Variants in FMN2 observed in about 807,000 individuals in gnomAD.
FMN2 encodes the protein formin-2.
In FMN2, 51 loss-of-function variants were observed where a neutral mutation model predicts 142.3. The ratio of observed to expected loss-of-function variants is 0.36; its 90% CI spans 0.29 to 0.45. FMN2 has a LOEUF of 0.45. Among genes scored for constraint, FMN2 ranks in the 20% least tolerant of loss-of-function variants. The pLI is 1.00. For synonymous variants in FMN2, 882 were observed against 869.8 expected, an observed-to-expected ratio of 1.01 and a Z score of -0.25; for missense variants, 1,936 against 2,122.8, an observed-to-expected ratio of 0.91 and a Z score of 1.73.
At chr1:240,411,342 A>G (rs1194591921) in intron 15 of FMN2, among the ~76,000 whole-genome samples, 2 of 152,074 alleles carry the variant, frequency 1.3e-5, no homozygotes, top group South Asian at 2.1e-4. Flanking sequence ...GGAGGCTGAG[A>G]CAGGCGGATC....
At chr1:240,457,015 C>G (rs1676268879) in intron 16 of FMN2, among the ~76,000 whole-genome samples, 2 of 152,272 alleles carry the variant, frequency 1.3e-5, no homozygotes, top group Non-Finnish European at 2.9e-5. Context: ...TTGGACTTTT[C>G]TGATTCATTT....
At chr1:240,200,331 C>T (rs1387063852) in intron 4 of FMN2, among the ~76,000 whole-genome samples, 1 of 152,130 alleles carries the variant, frequency 6.6e-6, no homozygotes, top group African/African-American at 2.4e-5. Context: ...TTATAAATCC[C>T]TGAAAGAAAA....
At chr1:240,202,872 A>G (rs1445342630) in intron 4 of FMN2, among the ~76,000 whole-genome samples, 1 of 152,216 alleles carries the variant, frequency 6.6e-6, no homozygotes, top group East Asian at 1.9e-4. Context: ...GGCATAGGCA[A>G]TAACATTTAC....
intron 6 of FMN2, among the ~76,000 whole-genome samples, chr1:240,252,097 C>T (rs754578060): frequency 1.1e-4 from 16 of 151,940 alleles, no homozygotes; most frequent in Non-Finnish European, 1.8e-4. Flanking sequence ...TTAGTAGAGA[C>T]GAGATTTCAC....
chr1:240,171,159 G>A, intron 2 of FMN2: 1 of 961,326 alleles, frequency 1.0e-6, no homozygotes, highest in Non-Finnish European at 1.7e-6. Context: ...GTGTCCCAAA[G>A]TTGGTATCTG....
intron 2 of FMN2, among the ~76,000 whole-genome samples, chr1:240,168,350 G>A (rs967959448): frequency 6.6e-6 from 1 of 152,134 alleles, no homozygotes; most frequent in Non-Finnish European, 1.5e-5. Flanking sequence ...CATTTTGGGA[G>A]GCTGAGGTGG....
At chr1:240,162,893 A>T (rs1664338620) in intron 2 of FMN2, among the ~76,000 whole-genome samples, 2 of 152,076 alleles carry the variant, frequency 1.3e-5, no homozygotes, top group South Asian at 2.1e-4. Flanking sequence ...AAACCTACAG[A>T]TTTCTCTCTA....
intron 16 of FMN2, among the ~76,000 whole-genome samples, chr1:240,447,654 C>G (rs1675873393): frequency 1.3e-5 from 2 of 152,178 alleles, no homozygotes; most frequent in African/African-American, 4.8e-5. Flanking sequence ...TTGCACCAAC[C>G]TAATACGTGG....
At chr1:240,290,404 T>C (rs1362608066) in intron 7 of FMN2, among the ~76,000 whole-genome samples, 1 of 152,214 alleles carries the variant, frequency 6.6e-6, no homozygotes, top group African/African-American at 2.4e-5. Flanking sequence ...AACTTTTAAC[T>C]ATTGAACGCA....
At chr1:240,150,471 G>C (rs1206764524) in intron 2 of FMN2, among the ~76,000 whole-genome samples, 1 of 152,184 alleles carries the variant, frequency 6.6e-6, no homozygotes, top group African/African-American at 2.4e-5. Flanking sequence ...AACAGGGAAG[G>C]CATATCTTGC....
intron 2 of FMN2, among the ~76,000 whole-genome samples, chr1:240,148,442 CAGAG>C (rs1193698308): frequency 5.4e-4 from 63 of 116,566 alleles, no homozygotes; most frequent in African/African-American, 1.2e-3. Flanking sequence ...AAGAGAGAGA[CAGAG>C]AGAGAGAAAG....
At chr1:240,121,381 ATT>A (rs149431338) in intron 1 of FMN2, among the ~76,000 whole-genome samples, 16 of 141,042 alleles carry the variant, frequency 1.1e-4, no homozygotes, top group Admixed American at 8.6e-4. Flanking sequence ...TTTTATTTTT[ATT>A]TTTTTTTTTT....
At chr1:240,162,230 C>T (rs1287747506) in intron 2 of FMN2, among the ~76,000 whole-genome samples, 1 of 151,972 alleles carries the variant, frequency 6.6e-6, no homozygotes, top group Non-Finnish European at 1.5e-5. Flanking sequence ...CTTTGGGAGG[C>T]CGAGGCAGGT....
At chr1:240,223,446 T>C (rs529388049) in intron 6 of FMN2, among the ~76,000 whole-genome samples, 2 of 152,282 alleles carry the variant, frequency 1.3e-5, no homozygotes, top group South Asian at 4.1e-4. Flanking sequence ...TGAAATTTTT[T>C]TGTTTTGTTT....
intron 8 of FMN2, among the ~76,000 whole-genome samples, chr1:240,310,311 TA>T (rs567299055): frequency 6.6e-6 from 1 of 152,222 alleles, no homozygotes; most frequent in Non-Finnish European, 1.5e-5. Flanking sequence ...TGTTTTAAAG[TA>T]ATTCTATTTG....
chr1:240,345,320 A>G (rs1052129317), intron 13 of FMN2, among the ~76,000 whole-genome samples: 19 of 152,308 alleles, frequency 1.2e-4, no homozygotes, highest in African/African-American at 4.3e-4. Flanking sequence ...CTTGGTCAGT[A>G]TGTCTGGTGA....
intron 14 of FMN2, among the ~76,000 whole-genome samples, chr1:240,380,149 G>A (rs1390911037): frequency 6.6e-6 from 1 of 152,144 alleles, no homozygotes; most frequent in Non-Finnish European, 1.5e-5. Flanking sequence ...AACATTTATA[G>A]AATATTCTAC....
intron 6 of FMN2, among the ~76,000 whole-genome samples, chr1:240,253,055 C>T (rs1369066976): frequency 2.0e-5 from 3 of 147,386 alleles, no homozygotes; most frequent in Non-Finnish European, 3.0e-5. Flanking sequence ...CTGGTTCAAG[C>T]GATTCTCCTG....
At chr1:240,157,608 A>G (rs1292910475) in intron 2 of FMN2, among the ~76,000 whole-genome samples, 1 of 152,158 alleles carries the variant, frequency 6.6e-6, no homozygotes, top group African/African-American at 2.4e-5. Flanking sequence ...AAGTGGGGGA[A>G]AGGAAGGAAT....
Sources: allele counts gnomAD v4.1 joint callset (sites outside exome capture counted in the v4.1 genomes callset), GRCh38; gene constraint gnomAD v4.1.1; transcripts MANE v1.5; gene names NCBI Gene and HGNC (gene_info 2026-07-23, HGNC 2026-07-21).